SPOCK1: variants seen among roughly 807,000 people sequenced by gnomAD.
SPOCK1 encodes SPARC (osteonectin), cwcv and kazal like domains proteoglycan 1.
Under a neutral mutation model 55.3 loss-of-function variants are expected in SPOCK1, and 23 were observed. The observed-to-expected ratio is 0.42, with a 90% CI of 0.30 to 0.59. SPOCK1 has a LOEUF of 0.59. Among genes scored for constraint, SPOCK1 ranks in the 20% least tolerant of loss-of-function variants. SPOCK1 has a pLI of 0.22. For synonymous variants in SPOCK1, 226 were observed against 221.0 expected, an observed-to-expected ratio of 1.02 and a Z score of -0.20; for missense variants, 499 against 552.5, an observed-to-expected ratio of 0.90 and a Z score of 0.97.
chr5:137,343,538 C>T (rs17171364), intron 2 of SPOCK1, among the ~76,000 whole-genome samples: 9,852 of 152,240 alleles, frequency 0.065, 666 homozygotes, highest in African/African-American at 0.17. Context: ...CACCTCACTG[C>T]TTCCAACCCA....
chr5:137,218,872 G>A (rs548121329), intron 3 of SPOCK1, among the ~76,000 whole-genome samples: 21 of 152,162 alleles, frequency 1.4e-4, no homozygotes, highest in Non-Finnish European at 2.8e-4. Context: ...TACCTGGGCA[G>A]AGGCGGCATG....
chr5:137,331,214 G>A (rs1277197928), intron 2 of SPOCK1, among the ~76,000 whole-genome samples: 1 of 152,200 alleles, frequency 6.6e-6, no homozygotes, highest in African/African-American at 2.4e-5. Context: ...TGGCAAGGCT[G>A]CAGCCATAGG....
intron 6 of SPOCK1, among the ~76,000 whole-genome samples, chr5:137,026,673 C>G (rs1211807999): frequency 6.6e-6 from 1 of 152,150 alleles, no homozygotes; most frequent in Admixed American, 6.5e-5. Flanking sequence ...CTAACACAAC[C>G]ACATTAAAAT....
intron 2 of SPOCK1, among the ~76,000 whole-genome samples, chr5:137,368,690 T>C (rs569341839): frequency 1.7e-4 from 26 of 152,316 alleles, no homozygotes; most frequent in African/African-American, 5.8e-4. Context: ...TGTCTTGGGC[T>C]GGCTTTTGTC....
rs1165748343 is a variant in SPOCK1, at chr5:137,162,130, TC to T, written c.233-21437del. Among the ~76,000 whole-genome samples, 4 of 138,784 alleles carry T rather than the reference TC, an allele frequency of 2.9e-5. No individual in the cohort carries two copies. The East Asian group carries it at 7.2e-4, about 25-fold the overall frequency. The allele number at this position is 138,784 out of a possible 152,430, so 91.0% of individuals were successfully genotyped here. On this transcript the variant is annotated intron_variant, in intron 3 of 10. Coordinates refer to ENST00000394945, the MANE Select transcript of SPOCK1 (RefSeq NM_004598.4). Reference sequence around the variant, plus strand: ...CCATTTGTTCTAGTCTCTAATGCTTTCTTTTTTTTTTTTTTTTTCCTCTTGA... The same window carrying T: ...CCATTTGTTCTAGTCTCTAATGCTTTTTTTTTTTTTTTTTTTTCCTCTTGA...
intron 3 of SPOCK1, among the ~76,000 whole-genome samples, chr5:137,207,720 T>C (rs1755544409): frequency 6.6e-6 from 1 of 152,156 alleles, no homozygotes; most frequent in Admixed American, 6.5e-5. Flanking sequence ...CTGTGCTAGA[T>C]GCTTCTGGGG....
chr5:137,156,507 A>ATG (rs1463186820), intron 3 of SPOCK1, among the ~76,000 whole-genome samples: 1 of 152,144 alleles, frequency 6.6e-6, no homozygotes, highest in Non-Finnish European at 1.5e-5. Context: ...CCAATAATTC[A>ATG]TGTGTGTGTG....
intron 3 of SPOCK1, among the ~76,000 whole-genome samples, chr5:137,155,497 G>C (rs906014572): frequency 6.6e-6 from 1 of 152,210 alleles, no homozygotes; most frequent in Admixed American, 6.5e-5. Flanking sequence ...CCTCCACTCA[G>C]TGAGGTCACG....
intron 2 of SPOCK1, among the ~76,000 whole-genome samples, chr5:137,347,102 C>T (rs1296706663): frequency 6.6e-6 from 1 of 152,118 alleles, no homozygotes; most frequent in Non-Finnish European, 1.5e-5. Context: ...CCTGGGTAGC[C>T]CTCCACCCTC....
chr5:137,257,093 G>T (rs1580832872), intron 3 of SPOCK1, among the ~76,000 whole-genome samples: 1 of 152,170 alleles, frequency 6.6e-6, no homozygotes, highest in South Asian at 2.1e-4. Context: ...ACCACTCCCA[G>T]TGTTACTGCA....
intron 6 of SPOCK1, among the ~76,000 whole-genome samples, chr5:137,044,926 G>A (rs1219759203): frequency 6.9e-6 from 1 of 144,944 alleles, no homozygotes; most frequent in Non-Finnish European, 1.5e-5. Flanking sequence ...AGTTTACTGA[G>A]AATGATGGTT....
intron 2 of SPOCK1, among the ~76,000 whole-genome samples, chr5:137,419,740 T>C (rs1752441741): frequency 6.6e-6 from 1 of 152,216 alleles, no homozygotes; most frequent in Admixed American, 6.5e-5. Flanking sequence ...AATCATGTCA[T>C]CTGCAAACAG....
chr5:136,998,525 G>C (rs1751090065), intron 6 of SPOCK1, among the ~76,000 whole-genome samples: 1 of 152,172 alleles, frequency 6.6e-6, no homozygotes, highest in Admixed American at 6.5e-5. Context: ...CTTACTTCCT[G>C]GATATATTGG....
At chr5:137,227,241 T>C (rs1383749462) in intron 3 of SPOCK1, among the ~76,000 whole-genome samples, 1 of 152,244 alleles carries the variant, frequency 6.6e-6, no homozygotes, top group East Asian at 1.9e-4. Flanking sequence ...CCTCAAAGCA[T>C]GGACCCTGAA....
chr5:137,306,341 A>G (rs1206765707), intron 2 of SPOCK1, among the ~76,000 whole-genome samples: 2 of 152,168 alleles, frequency 1.3e-5, no homozygotes, highest in Non-Finnish European at 2.9e-5. Context: ...AGTGTCCCCG[A>G]TAACGCAGCA....
At chr5:137,444,000 T>C (rs1753070433) in intron 2 of SPOCK1, among the ~76,000 whole-genome samples, 1 of 152,178 alleles carries the variant, frequency 6.6e-6, no homozygotes, top group Non-Finnish European at 1.5e-5. Context: ...TGTACCAGGA[T>C]AACAGGCATA....
At chr5:137,194,966 G>A (rs1488084873) in intron 3 of SPOCK1, among the ~76,000 whole-genome samples, 4 of 152,140 alleles carry the variant, frequency 2.6e-5, no homozygotes, top group Non-Finnish European at 5.9e-5. Flanking sequence ...AAAACAACGT[G>A]CTGAGAGCAG....
At chr5:137,284,281 A>G (rs1757224260) in intron 2 of SPOCK1, among the ~76,000 whole-genome samples, 1 of 152,194 alleles carries the variant, frequency 6.6e-6, no homozygotes. Flanking sequence ...TCATCTCCCA[A>G]AGGGTGAACT....
At chr5:137,186,286 ATGC>A (rs1174262959) in intron 3 of SPOCK1, among the ~76,000 whole-genome samples, 1 of 152,250 alleles carries the variant, frequency 6.6e-6, no homozygotes, top group Non-Finnish European at 1.5e-5. Context: ...TCACAGAGAT[ATGC>A]TAAGTTGAGC....
Sources: gnomAD v4.1 joint callset for allele counts (sites outside exome capture counted in the v4.1 genomes callset) on GRCh38, gnomAD v4.1.1 for gene constraint, MANE v1.5 for transcripts, NCBI Gene and HGNC (gene_info 2026-07-23, HGNC 2026-07-21) for gene names.